Variants in CHLSN observed in about 807,000 individuals in gnomAD.
CHLSN encodes cholesin.
chr7:994,906 G>C, the CHLSN span, among the ~76,000 whole-genome samples: 1 of 152,250 alleles, frequency 6.6e-6, no homozygotes, highest in African/African-American at 2.4e-5. Context: ...CGCTAAGTTT[G>C]GCCCCTCACT....
the CHLSN span, chr7:985,196 G>A: frequency 1.3e-6 from 2 of 1,567,176 alleles, no homozygotes; most frequent in Non-Finnish European, 1.7e-6. Context: ...CTACTGGGCT[G>A]GGCTCCCTCC....
At chr7:1,072,929 C>T in the CHLSN span, among the ~76,000 whole-genome samples, 12 of 152,118 alleles carry the variant, frequency 7.9e-5, no homozygotes, top group Admixed American at 3.9e-4. Flanking sequence ...AGTGAGCCAC[C>T]GCGCCTGGCC....
At chr7:1,057,219 G>A in the CHLSN span, among the ~76,000 whole-genome samples, 1 of 152,144 alleles carries the variant, frequency 6.6e-6, no homozygotes, top group African/African-American at 2.4e-5. Flanking sequence ...CGTGAAGAGT[G>A]GGCTCTGAGA....
the CHLSN span, among the ~76,000 whole-genome samples, chr7:1,012,746 G>A: frequency 6.6e-6 from 1 of 152,264 alleles, no homozygotes; most frequent in Non-Finnish European, 1.5e-5. Context: ...TGGAGTGAGG[G>A]TGCTGCGCCC....
At chr7:993,878 A>G in the CHLSN span, among the ~76,000 whole-genome samples, 41 of 151,774 alleles carry the variant, frequency 2.7e-4, no homozygotes, top group East Asian at 3.1e-3. Flanking sequence ...AGCAGACGGC[A>G]CTTGGTGTGA....
the CHLSN span, chr7:1,043,281 C>G: frequency 6.6e-6 from 1 of 152,104 alleles, no homozygotes; most frequent in African/African-American, 2.4e-5. Context: ...GACGCTAAGG[C>G]GTACTCTCAC....
chr7:1,016,864 A>ACACAGCAGCG, the CHLSN span, among the ~76,000 whole-genome samples: 2 of 88,368 alleles, frequency 2.3e-5, no homozygotes, highest in Non-Finnish European at 4.9e-5. Flanking sequence ...AGCACACAGC[A>ACACAGCAGCG]CACAGCAGCG....
the CHLSN span, among the ~76,000 whole-genome samples, chr7:1,063,727 A>G: frequency 6.6e-6 from 1 of 152,192 alleles, no homozygotes; most frequent in Non-Finnish European, 1.5e-5. Flanking sequence ...TCCCATCTTA[A>G]TGACGTCTTG....
chr7:997,767 A>G, the CHLSN span: 3 of 1,608,928 alleles, frequency 1.9e-6, no homozygotes, highest in African/African-American at 2.7e-5. Flanking sequence ...CAGCCCCTCC[A>G]GGTAGGCCAG....
At chr7:1,093,434 C>T in the CHLSN span, 2 of 463,768 alleles carry the variant, frequency 4.3e-6, no homozygotes, top group South Asian at 1.6e-5. Flanking sequence ...TGAGCGTCCT[C>T]CATCTTCCAG....
the CHLSN span, chr7:1,109,208 G>A: frequency 1.3e-5 from 2 of 152,170 alleles, no homozygotes; most frequent in African/African-American, 2.4e-5. Context: ...TTATGTGTGT[G>A]AGGCAGAAGG....
At chr7:1,070,837 A>G in the CHLSN span, among the ~76,000 whole-genome samples, 1 of 144,882 alleles carries the variant, frequency 6.9e-6, no homozygotes, top group African/African-American at 2.7e-5. Context: ...ACATATACAC[A>G]CAACGCGTGC....
At chr7:1,119,735 G>A in the CHLSN span, among the ~76,000 whole-genome samples, 2 of 152,268 alleles carry the variant, frequency 1.3e-5, no homozygotes, top group African/African-American at 2.4e-5. Flanking sequence ...AAATTAGCTG[G>A]GCGTGGTGGC....
the CHLSN span, chr7:1,055,602 G>C: frequency 2.7e-6 from 1 of 365,436 alleles, no homozygotes; most frequent in Non-Finnish European, 5.5e-6. Context: ...GACGCAGGGG[G>C]TTCTGTACAG....
chr7:1,032,428 C>A, the CHLSN span, among the ~76,000 whole-genome samples: 2 of 152,164 alleles, frequency 1.3e-5, no homozygotes, highest in African/African-American at 4.8e-5. Flanking sequence ...AGTGGAGGCC[C>A]TGGCCCTAAG....
At chr7:990,987 C>T in the CHLSN span, among the ~76,000 whole-genome samples, 1 of 151,946 alleles carries the variant, frequency 6.6e-6, no homozygotes, top group East Asian at 1.9e-4. Flanking sequence ...CTTGTGCCCC[C>T]AACTTAGTCG....
the CHLSN span, among the ~76,000 whole-genome samples, chr7:1,103,357 G>C: frequency 3.5e-4 from 54 of 152,290 alleles, no homozygotes; most frequent in Non-Finnish European, 6.0e-4. Context: ...GGGAGGCACA[G>C]TCATTCGGCT....
At chr7:1,023,111 C>G in the CHLSN span, 2 of 404,168 alleles carry the variant, frequency 4.9e-6, no homozygotes, top group South Asian at 1.7e-5. This position sits in a 1 kb window ranked among gnomAD's most constrained non-coding sequence, Gnocchi z 5.0. Flanking sequence ...TGGGTGGCAC[C>G]TGCCTGTGGC....
At chr7:1,100,084 G>C in the CHLSN span, among the ~76,000 whole-genome samples, 1 of 152,234 alleles carries the variant, frequency 6.6e-6, no homozygotes, top group Non-Finnish European at 1.5e-5. Flanking sequence ...GGGAGAGCCT[G>C]TGTTCTGGGT....
Sources: allele counts gnomAD v4.1 joint callset (sites outside exome capture counted in the v4.1 genomes callset), GRCh38; gene constraint gnomAD v4.1.1; non-coding constraint Gnocchi (gnomAD v3.1); transcripts MANE v1.5; gene names NCBI Gene and HGNC (gene_info 2026-07-23, HGNC 2026-07-21).